The following LMO4 variants were observed in gnomAD, a reference collection of about 807,000 sequenced individuals.
LMO4 encodes LIM domain transcription factor LMO4.
In LMO4, 3 loss-of-function variants were observed where a neutral mutation model predicts 18.5. The observed-to-expected ratio is 0.16, with a 90% CI of 0.07 to 0.42. The LOEUF (loss-of-function observed/expected upper bound fraction) is 0.42. LMO4 is among the 10% of genes least tolerant of loss of function. The probability of loss-of-function intolerance (pLI) is 0.99; values close to 1 mark genes in which losing one functional copy is unlikely to be tolerated. For synonymous variants in LMO4, 100 were observed against 88.1 expected (o/e 1.14, Z -0.76); for missense variants, 121 against 219.9 (o/e 0.55, Z 2.84).
At chr1:87,330,646 T>G (rs1650111425) in intron 1 of LMO4, among the ~76,000 whole-genome samples, 1 of 152,190 alleles carries the variant, frequency 6.6e-6, no homozygotes, top group Admixed American at 6.5e-5. Flanking sequence ...CTCGTTTTTT[T>G]TGCAGCAGCC....
At chr1:87,341,454 AAAC>A (rs1411916080) in intron 4 of LMO4, among the ~76,000 whole-genome samples, 3 of 152,246 alleles carry the variant, frequency 2.0e-5, no homozygotes, top group African/African-American at 7.2e-5. Context: ...ATCACAAAAA[AAAC>A]AACATTTATC....
intron 2 of LMO4, among the ~76,000 whole-genome samples, chr1:87,338,278 T>A (rs2100562780): frequency 6.6e-6 from 1 of 152,368 alleles, no homozygotes; most frequent in Non-Finnish European, 1.5e-5. Flanking sequence ...TCTATAGGAA[T>A]ATGTCTCCTG....
chr1:87,330,168 G>A (rs1395390824), intron 1 of LMO4, among the ~76,000 whole-genome samples: 4 of 151,314 alleles, frequency 2.6e-5, no homozygotes, highest in African/African-American at 4.9e-5. Context: ...TGGGGTTACT[G>A]GATGCTTTTC....
In LMO4 at chr1:87,332,049, C is replaced by G; in HGVS notation, c.34C>G (p.Pro12Ala). The G allele has an allele frequency of 6.2e-7, 1 of 1,613,216 alleles. No individual in the cohort carries two copies. Among genetic ancestry groups the G allele is most frequent in the East Asian group, 2.2e-5 (1 of 44,866 alleles). Reference protein sequence around the residue: ...VNPGSSSQPPPVTAGSLSWKR... With the variant: ...VNPGSSSQPPAVTAGSLSWKR... Reference sequence around the variant, plus strand: ...TCCGGGCAGCAGCTCGCAGCCGCCCCCGGTGACGGCCGGCTCCCTCTCCTG... The same window carrying G: ...TCCGGGCAGCAGCTCGCAGCCGCCCGCGGTGACGGCCGGCTCCCTCTCCTG... The change falls in exon 2 of 5, where the codon CCG (proline) becomes GCG (alanine). Residue 12 changes from proline to alanine, a missense_variant. Pro to Ala is a conservative substitution (Grantham distance 27, BLOSUM62 -1). Transcript: ENST00000370544.
At chr1:87,337,193 T>A (rs1014870717) in intron 2 of LMO4, among the ~76,000 whole-genome samples, 1 of 151,626 alleles carries the variant, frequency 6.6e-6, no homozygotes, top group Non-Finnish European at 1.5e-5. Context: ...CATTTCAAAC[T>A]TTGTAACTGT....
At position 87,348,922 on chromosome 1, in the gene LMO4, A is replaced by G. The variant is rs1650710735; in HGVS notation, c.*4126A>G. ...ACTAATAAAGCAGAGGATGAAAATC[A>G]ATTGATTCTGTTATAAGTTCTTTGA... On this transcript the variant is annotated 3_prime_UTR_variant, in exon 5 of 5. Transcript: ENST00000370544. The G allele has an allele frequency of 2.5e-6, 1 of 408,080 alleles. No homozygotes were observed. Among genetic ancestry groups the G allele is most frequent in the Non-Finnish European group, 4.9e-6 (1 of 203,620 alleles). The allele number at this position is 408,080 out of a possible 1,614,324, so 25.3% of individuals were successfully genotyped here.
intron 2 of LMO4, among the ~76,000 whole-genome samples, chr1:87,338,286 C>T (rs1205946692): frequency 5.9e-5 from 9 of 152,164 alleles, no homozygotes; most frequent in Admixed American, 5.9e-4. Context: ...AATATGTCTC[C>T]TGGTTTGACA....
intron 2 of LMO4, among the ~76,000 whole-genome samples, chr1:87,337,961 A>G (rs976989339): frequency 2.6e-5 from 4 of 152,190 alleles, no homozygotes; most frequent in African/African-American, 4.8e-5. Context: ...GAACGTGTCA[A>G]TGTGTCGTGG....
chr1:87,344,729 A>G, intron 4 of LMO4, 59 bp from the exon 5 acceptor site: 1 of 1,560,530 alleles, frequency 6.4e-7, no homozygotes, highest in South Asian at 1.1e-5. Flanking sequence ...GTCATGTTTG[A>G]GTTTAATATC....
intron 1 of LMO4, chr1:87,331,245 T>A (rs1650136144): frequency 6.6e-6 from 1 of 152,142 alleles, no homozygotes; most frequent in Admixed American, 6.5e-5. Flanking sequence ...CTCATTGATC[T>A]TCAAAATGAA....
intron 2 of LMO4, among the ~76,000 whole-genome samples, chr1:87,336,574 T>C (rs753349536): frequency 6.6e-5 from 10 of 152,228 alleles, no homozygotes; most frequent in Non-Finnish European, 1.3e-4. Flanking sequence ...TACATGGTGT[T>C]GTTCAAACAG....
Position 87,348,712 on chromosome 1 carries a change from T to C in LMO4, c.*3916T>C, listed in dbSNP as rs1315527111. ...CAACTTACCTCAAGTGAATACTGTTTTCAGTTGTGCAAGAAGTGCTTTATG... is the reference window on the plus strand; with the variant it reads ...CAACTTACCTCAAGTGAATACTGTTCTCAGTTGTGCAAGAAGTGCTTTATG... On this transcript the variant is annotated 3_prime_UTR_variant, in exon 5 of 5. Transcript: ENST00000370544. The C allele has an allele frequency of 1.9e-6, 1 of 513,876 alleles. No individual in the cohort carries two copies. The highest frequency in any genetic ancestry group is 5.5e-5 in the East Asian group (1 of 18,260). 31.8% of individuals were successfully genotyped at this position (513,876 alleles called of 1,614,324 possible).
chr1:87,338,906 A>G (rs1345396788), intron 2 of LMO4, among the ~76,000 whole-genome samples: 2 of 152,250 alleles, frequency 1.3e-5, no homozygotes, highest in South Asian at 2.1e-4. Flanking sequence ...TGGAGCAAGC[A>G]TTTCATTATC....
chr1:87,334,574 C>G (rs1393863025), intron 2 of LMO4, among the ~76,000 whole-genome samples: 2 of 152,208 alleles, frequency 1.3e-5, no homozygotes, highest in Non-Finnish European at 2.9e-5. Flanking sequence ...AAGGGGACCC[C>G]TTGGTCCGAC....
At chr1:87,329,877 T>G (rs895303298) in intron 1 of LMO4, among the ~76,000 whole-genome samples, 1 of 152,196 alleles carries the variant, frequency 6.6e-6, no homozygotes, top group Non-Finnish European at 1.5e-5. Context: ...ACCAGAGACG[T>G]TGTTAAAGGG....
chr1:87,344,149 A>G (rs1437331700), intron 4 of LMO4, among the ~76,000 whole-genome samples: 2 of 152,266 alleles, frequency 1.3e-5, no homozygotes, highest in Non-Finnish European at 2.9e-5. Context: ...AGAAATTTTC[A>G]TATAGACACA....
At chr1:87,338,509 G>A (rs1298300147) in intron 2 of LMO4, among the ~76,000 whole-genome samples, 1 of 152,218 alleles carries the variant, frequency 6.6e-6, no homozygotes, top group Non-Finnish European at 1.5e-5. Context: ...AAAGAGGGAA[G>A]CCCAAAAGCA....
Position 87,346,285 on chromosome 1 carries a change from C to G in LMO4, c.*1489C>G, listed in dbSNP as rs1650624539. ...TGGTTGCAGGCAGCAGAGTGTCCACCACAGTGCCTGCACTGCCCGCAGAGC... is the reference window on the plus strand; with the variant it reads ...TGGTTGCAGGCAGCAGAGTGTCCACGACAGTGCCTGCACTGCCCGCAGAGC... On this transcript the variant is annotated 3_prime_UTR_variant, in exon 5 of 5. Coordinates refer to ENST00000370544, the MANE Select transcript of LMO4 (RefSeq NM_006769.4). 6.6e-6 allele frequency: 1 copy of G among 152,216 alleles called. No individual in the cohort carries two copies. Among genetic ancestry groups the G allele is most frequent in the Non-Finnish European group, 1.5e-5 (1 of 68,074 alleles). 9.4% of individuals were successfully genotyped at this position (152,216 alleles called of 1,614,324 possible).
chr1:87,332,508 G>A (rs1037324988), intron 2 of LMO4, among the ~76,000 whole-genome samples: 1 of 152,228 alleles, frequency 6.6e-6, no homozygotes, highest in East Asian at 1.9e-4. Flanking sequence ...CAAAGGTTGA[G>A]CACCCTCTGG....
Sources: allele counts gnomAD v4.1 joint callset (sites outside exome capture counted in the v4.1 genomes callset), GRCh38; gene constraint gnomAD v4.1.1; transcripts MANE v1.5; gene names NCBI Gene and HGNC (gene_info 2026-07-23, HGNC 2026-07-21).